LINGO2: variants seen among roughly 807,000 people sequenced by gnomAD.
LINGO2 encodes the protein leucine-rich repeat and immunoglobulin-like domain-containing nogo receptor-interacting protein 2.
Under a neutral mutation model 30.6 loss-of-function variants are expected in LINGO2, and 14 were observed. That is an observed-to-expected ratio of 0.46 (90% confidence interval 0.30 to 0.72). The LOEUF is 0.72. LINGO2 is among the 30% of genes least tolerant of loss of function. The pLI is 0.07. For missense variants in LINGO2, 729 were observed against 751.7 expected, an observed-to-expected ratio of 0.97 and a Z score of 0.35; for synonymous variants, 317 against 288.5, an observed-to-expected ratio of 1.10 and a Z score of -1.00.
the LINGO2 span, among the ~76,000 whole-genome samples, chr9:29,094,132 T>C: frequency 8.5e-4 from 118 of 139,038 alleles, 21 homozygotes; most frequent in African/African-American, 3.0e-3. Flanking sequence ...TAATGTCAAA[T>C]AAAACATTTT....
the LINGO2 span, among the ~76,000 whole-genome samples, chr9:28,950,824 C>T: frequency 2.0e-4 from 30 of 152,146 alleles, 1 homozygote; most frequent in African/African-American, 5.3e-4. Flanking sequence ...CCATACTGCC[C>T]GAAGTAATTT....
chr9:28,365,981 T>C (rs372312980), intron 3 of LINGO2, among the ~76,000 whole-genome samples: 2 of 152,122 alleles, frequency 1.3e-5, no homozygotes, highest in Non-Finnish European at 2.9e-5. Context: ...GGGAGCTGCA[T>C]TGCTTTCAAA....
intron 3 of LINGO2, among the ~76,000 whole-genome samples, chr9:28,361,990 A>G (rs1311466296): frequency 1.3e-5 from 2 of 152,162 alleles, no homozygotes; most frequent in African/African-American, 4.8e-5. Flanking sequence ...CACATAGGCC[A>G]TTGTTTCTCC....
At chr9:28,526,030 T>TGGG (rs1209503516) in intron 1 of LINGO2, among the ~76,000 whole-genome samples, 1 of 110,418 alleles carries the variant, frequency 9.1e-6, no homozygotes, top group African/African-American at 3.6e-5. Flanking sequence ...CACTCCAGCC[T>TGGG]GGGTGACAGA....
At chr9:29,131,199 C>T in the LINGO2 span, among the ~76,000 whole-genome samples, 4 of 152,090 alleles carry the variant, frequency 2.6e-5, no homozygotes, top group African/African-American at 9.7e-5. Context: ...CAGGTATCCA[C>T]CCATGAAGTT....
chr9:29,162,415 A>G, the LINGO2 span, among the ~76,000 whole-genome samples: 3 of 152,250 alleles, frequency 2.0e-5, no homozygotes, highest in Non-Finnish European at 4.4e-5. Flanking sequence ...ATAAAAATCA[A>G]TAACCTTCTG....
intron 4 of LINGO2, among the ~76,000 whole-genome samples, chr9:28,150,936 A>G (rs1827981975): frequency 6.6e-6 from 1 of 152,230 alleles, no homozygotes; most frequent in Non-Finnish European, 1.5e-5. Flanking sequence ...AATATTGCCA[A>G]ACTTAATTTC....
chr9:28,398,816 G>A (rs16912858), intron 2 of LINGO2, among the ~76,000 whole-genome samples: 5,454 of 152,138 alleles, frequency 0.036, 325 homozygotes, highest in African/African-American at 0.12. Context: ...AATTTTTGAA[G>A]GATGGCATGC....
chr9:28,402,187 G>A (rs902620629), intron 2 of LINGO2, among the ~76,000 whole-genome samples: 3 of 149,146 alleles, frequency 2.0e-5, no homozygotes, highest in Admixed American at 6.8e-5. Context: ...CATTTTATGA[G>A]TACTTATAGC....
chr9:29,181,506 A>AT, the LINGO2 span, among the ~76,000 whole-genome samples: 1 of 152,334 alleles, frequency 6.6e-6, no homozygotes, highest in East Asian at 1.9e-4. Flanking sequence ...AAAAGTATAA[A>AT]TATCAGTCAG....
In LINGO2 at chr9:28,130,881, T is replaced by C. The variant is rs998255025; in HGVS notation, c.-86-118476A>G. The stretch of plus-strand genomic sequence containing the variant: ...TGAATGCGTTTGAGGCCTTTCAAAA[T>C]AGGGCCTCACATCTATATTTGTTTC... On this transcript the variant is annotated intron_variant, in intron 4 of 5. Coordinates refer to ENST00000379992, the Ensembl canonical transcript of LINGO2. The surrounding 1 kb of genome is among the most constrained non-coding windows in gnomAD (Gnocchi z 5.2). 6.6e-6 allele frequency among the ~76,000 whole-genome samples: 1 copy of C among 152,142 alleles called. No homozygotes were observed. The highest frequency in any genetic ancestry group is 1.5e-5 in the Non-Finnish European group (1 of 67,996).
chr9:28,157,239 A>G (rs935889483), intron 4 of LINGO2, among the ~76,000 whole-genome samples: 11 of 152,172 alleles, frequency 7.2e-5, no homozygotes, highest in South Asian at 2.1e-4. Context: ...CCAAACCCCA[A>G]TTCTTGACTT....
intron 1 of LINGO2, among the ~76,000 whole-genome samples, chr9:28,491,726 T>C (rs1826403381): frequency 6.6e-6 from 1 of 152,330 alleles, no homozygotes; most frequent in South Asian, 2.1e-4. Flanking sequence ...AGGATTTATT[T>C]ATGCCCCAGT....
intron 4 of LINGO2, among the ~76,000 whole-genome samples, chr9:28,175,380 T>A (rs1828722612): frequency 6.6e-6 from 1 of 152,076 alleles, no homozygotes; most frequent in South Asian, 2.1e-4. Context: ...AGCCCCTCTT[T>A]CTTTTTCTCC....
the LINGO2 span, among the ~76,000 whole-genome samples, chr9:28,803,096 A>G: frequency 5.3e-5 from 8 of 152,102 alleles, no homozygotes; most frequent in Non-Finnish European, 1.2e-4. Flanking sequence ...AAAATTAACT[A>G]AAAATATCAG....
chr9:28,289,107 T>C (rs1327510757), intron 4 of LINGO2, among the ~76,000 whole-genome samples: 6 of 152,172 alleles, frequency 3.9e-5, no homozygotes, highest in African/African-American at 1.4e-4. Flanking sequence ...TATAAACTTC[T>C]GAGAAACAGA....
At chr9:28,978,518 C>T in the LINGO2 span, among the ~76,000 whole-genome samples, 1 of 151,966 alleles carries the variant, frequency 6.6e-6, no homozygotes, top group African/African-American at 2.4e-5. Context: ...GGGAATAATG[C>T]TCTAGAGATT....
chr9:28,914,127 G>T, the LINGO2 span, among the ~76,000 whole-genome samples: 1 of 152,072 alleles, frequency 6.6e-6, no homozygotes, highest in Non-Finnish European at 1.5e-5. Context: ...GCATAAAAGG[G>T]CAGAAACCCA....
At chr9:28,789,323 T>C in the LINGO2 span, among the ~76,000 whole-genome samples, 1 of 152,330 alleles carries the variant, frequency 6.6e-6, no homozygotes, top group Non-Finnish European at 1.5e-5. Flanking sequence ...ATTATCTCAA[T>C]AGTATCTTAT....
Sources: allele counts gnomAD v4.1 joint callset (sites outside exome capture counted in the v4.1 genomes callset), GRCh38; gene constraint gnomAD v4.1.1; non-coding constraint Gnocchi (gnomAD v3.1); transcripts MANE v1.5; gene names NCBI Gene and HGNC (gene_info 2026-07-23, HGNC 2026-07-21).